FAM174B: variants seen among roughly 807,000 people sequenced by gnomAD.
The protein encoded by FAM174B is membrane protein FAM174B.
Under a neutral mutation model 10.9 loss-of-function variants are expected in FAM174B, and 12 were observed. The observed-to-expected ratio is 1.10, with a 90% confidence interval of 0.71 to 1.79. FAM174B has a LOEUF of 1.79. Among genes scored for constraint, FAM174B ranks in the 40% most tolerant of loss-of-function variants. The pLI is 0.00. For synonymous variants in FAM174B, 132 were observed against 115.8 expected (o/e 1.14, Z -0.90); for missense variants, 266 against 233.3 (o/e 1.14, Z -0.91).
chr15:92,628,729 A>G (rs2050770932), intron 2 of FAM174B, among the ~76,000 whole-genome samples: 1 of 152,176 alleles, frequency 6.6e-6, no homozygotes, highest in Admixed American at 6.5e-5. Flanking sequence ...TTCACTAACA[A>G]ACTGAGCTTC....
intron 1 of FAM174B, among the ~76,000 whole-genome samples, chr15:92,643,343 A>AGTGTGTGTGT (rs1309760071): frequency 0.058 from 1,036 of 17,886 alleles, 34 homozygotes; most frequent in Admixed American, 0.26. Flanking sequence ...ATAGGGAAGG[A>AGTGTGTGTGT]ATGTGTGTGT....
chr15:92,623,983 G>C (rs1233825542), intron 2 of FAM174B, among the ~76,000 whole-genome samples: 1 of 150,222 alleles, frequency 6.7e-6, no homozygotes, highest in African/African-American at 2.5e-5. Context: ...TTTCCTTTTT[G>C]TTTATTTGAT....
intron 2 of FAM174B, among the ~76,000 whole-genome samples, chr15:92,620,233 C>T (rs1465370909): frequency 6.6e-6 from 1 of 152,200 alleles, no homozygotes; most frequent in Non-Finnish European, 1.5e-5. Flanking sequence ...AAGTTTAGGC[C>T]AGGCACGGTA....
intron 2 of FAM174B, among the ~76,000 whole-genome samples, chr15:92,625,092 CTTCT>C (rs1186937648): frequency 1.3e-5 from 2 of 152,184 alleles, no homozygotes; most frequent in African/African-American, 4.8e-5. Context: ...GCTATCATTT[CTTCT>C]TTCTAATTAG....
At chr15:92,637,890 A>G (rs285759) in intron 1 of FAM174B, among the ~76,000 whole-genome samples, 149,663 of 152,244 alleles carry the variant, frequency 0.98, 73,623 homozygotes, top group East Asian at 1. Flanking sequence ...AGGACAAAGC[A>G]CCTGGTTCTA....
chr15:92,655,216 G>C, intron 1 of FAM174B, 100 bp downstream of exon 1: 1 of 1,418,818 alleles, frequency 7.0e-7, no homozygotes, highest in East Asian at 2.9e-5. Context: ...GGGCGCACCA[G>C]GGCACCTGTG....
Position 92,641,644 on chromosome 15 carries a change from T to C in FAM174B, c.345-11299A>G, listed in dbSNP as rs545243165. 4.6e-5 allele frequency among the ~76,000 whole-genome samples: 7 copies of C among 152,122 alleles called. 1 individual carries two copies. In the South Asian group the frequency reaches 1.5e-3, roughly 32 times the overall value. ...CATCTAAAAAAATTAACTCACACAA[T>C]ATACAAAAATTACCTCAAAATGGAA... is the stretch of plus-strand genomic sequence containing the variant. On this transcript the variant is annotated intron_variant, in intron 1 of 2. Transcript: ENST00000327355.
chr15:92,625,570 T>C (rs2050747356), intron 2 of FAM174B, among the ~76,000 whole-genome samples: 1 of 152,260 alleles, frequency 6.6e-6, no homozygotes, highest in Non-Finnish European at 1.5e-5. Flanking sequence ...TGAAACTCTT[T>C]GTTCTTTCAC....
chr15:92,638,805 T>A (rs369777281), intron 1 of FAM174B, among the ~76,000 whole-genome samples: 1 of 152,130 alleles, frequency 6.6e-6, no homozygotes, highest in Admixed American at 6.5e-5. Flanking sequence ...CAGGCTGGGT[T>A]TTCTCCTTCT....
Position 92,618,151 on chromosome 15 carries a change from A to C in FAM174B, c.*1305T>G, listed in dbSNP as rs1211401550. 2 of 160,592 alleles carry C rather than the reference A, an allele frequency of 1.2e-5. No individual in the cohort carries two copies. The highest frequency in any genetic ancestry group is 2.7e-5 in the Non-Finnish European group (2 of 73,826). 9.9% of individuals were successfully genotyped at this position (160,592 alleles called of 1,614,324 possible). A position where few individuals can be genotyped will look rare whatever the true frequency, so the allele number is the denominator to read the frequency against. On this transcript the variant is annotated 3_prime_UTR_variant, in exon 3 of 3. Transcript: ENST00000327355. Reference sequence around the variant, plus strand: ...AACCCTGGAGCAAAGCCAGGAAAAAAGGGGGAGATAAAAAATAAAAAAATA... The same window carrying C: ...AACCCTGGAGCAAAGCCAGGAAAAACGGGGGAGATAAAAAATAAAAAAATA...
intron 1 of FAM174B, among the ~76,000 whole-genome samples, chr15:92,635,601 G>C (rs574560287): frequency 2.4e-4 from 34 of 138,882 alleles, no homozygotes; most frequent in Non-Finnish European, 4.5e-4. Flanking sequence ...TTTTTTTTGA[G>C]ACAGAGTCTC....
At chr15:92,654,763 A>G (rs576208308) in intron 1 of FAM174B, among the ~76,000 whole-genome samples, 1 of 148,362 alleles carries the variant, frequency 6.7e-6, no homozygotes, top group Admixed American at 6.8e-5. Flanking sequence ...TACCCCCCAC[A>G]CTAGAAACTG....
chr15:92,655,148 G>A (rs2050992887), intron 1 of FAM174B, 168 bp downstream of exon 1: 19 of 910,854 alleles, frequency 2.1e-5, no homozygotes, highest in Non-Finnish European at 2.8e-5. Context: ...ATCCAGACGA[G>A]CACACCCCGG....
chr15:92,632,969 G>A (rs1296513220), intron 1 of FAM174B, among the ~76,000 whole-genome samples: 1 of 152,176 alleles, frequency 6.6e-6, no homozygotes, highest in African/African-American at 2.4e-5. Context: ...GGTCTAGGAC[G>A]CCACTGGGAA....
intron 1 of FAM174B, among the ~76,000 whole-genome samples, chr15:92,636,733 G>C (rs959131518): frequency 5.3e-5 from 8 of 152,176 alleles, no homozygotes; most frequent in African/African-American, 1.7e-4. Context: ...CTCCAGCTGA[G>C]ACCTCCCCAA....
chr15:92,622,312 G>A (rs986501974), intron 2 of FAM174B, among the ~76,000 whole-genome samples: 4 of 152,198 alleles, frequency 2.6e-5, no homozygotes, highest in Non-Finnish European at 4.4e-5. Flanking sequence ...GCGCCTCCAC[G>A]GGGAGAAGTC....
chr15:92,651,848 C>T (rs1223829165), intron 1 of FAM174B, among the ~76,000 whole-genome samples: 1 of 102,040 alleles, frequency 9.8e-6, no homozygotes, highest in East Asian at 4.1e-4. Context: ...TAAAAGTATA[C>T]ATCTTTTTCA....
Position 92,655,282 on chromosome 15 carries a change from CCGGCGGGGGAAGGAAG to C in FAM174B, c.344+18_344+33del, listed in dbSNP as rs772407210. On this transcript the variant is annotated intron_variant, in intron 1 of 2. Coordinates refer to ENST00000327355, the MANE Select transcript of FAM174B (RefSeq NM_207446.3). ...CAGGTTGGCGATGCCGCCCTGTCGG[CCGGCGGGGGAAGGAAG>C]AGGGCGGGAGGGCCCACCTGAAGAC... The C allele has an allele frequency of 5.3e-6, 8 of 1,500,338 alleles. No individual in the cohort carries two copies. In the African/African-American group the frequency reaches 1.2e-4, roughly 22 times the overall value. The allele number at this position is 1,500,338 out of a possible 1,614,324, so 92.9% of individuals were successfully genotyped here. A position where few individuals can be genotyped will look rare whatever the true frequency, so the allele number is the denominator to read the frequency against.
intron 1 of FAM174B, among the ~76,000 whole-genome samples, chr15:92,632,914 ACT>A (rs71465757): frequency 0.44 from 67,055 of 151,562 alleles, 17,558 homozygotes; most frequent in Non-Finnish European, 0.58. Context: ...CTAGCCTAAG[ACT>A]CTCTGCACGA....
Sources: allele counts gnomAD v4.1 joint callset (sites outside exome capture counted in the v4.1 genomes callset), GRCh38; gene constraint gnomAD v4.1.1; transcripts MANE v1.5; gene names NCBI Gene and HGNC (gene_info 2026-07-23, HGNC 2026-07-21).